The following ECPAS variants were observed in gnomAD, a reference collection of about 807,000 sequenced individuals.
ECPAS encodes Ecm29 proteasome adaptor and scaffold.
A neutral mutation model predicts 255.1 loss-of-function variants in ECPAS; 70 were observed. The ratio of observed to expected loss-of-function variants is 0.27; its 90% CI spans 0.23 to 0.33. The LOEUF (loss-of-function observed/expected upper bound fraction) is 0.33, where lower values mean the gene tolerates loss of function less well. Ranked by LOEUF, ECPAS falls within the 10% of genes least tolerant of loss-of-function variation. The pLI, the probability that ECPAS is intolerant of heterozygous loss-of-function variation, is 1.00. For missense variants in ECPAS, 1,817 were observed against 2,206.4 expected, an observed-to-expected ratio of 0.82 and a Z score of 3.54; for synonymous variants, 784 against 775.0, an observed-to-expected ratio of 1.01 and a Z score of -0.19.
rs1434940553 is a variant in ECPAS at position 111,386,226 on chromosome 9, T to C, written c.3527+151A>G. ...TGATCCACCCACCTCAGCCTCCCCA[T>C]GTGCTGGGATCACAGGTGTGAGCCA... On this transcript the variant is annotated intron_variant, in intron 32 of 49. Coordinates refer to ENST00000684092, the MANE Select transcript of ECPAS (RefSeq NM_001364929.1). 25 of 634,872 alleles carry C rather than the reference T, an allele frequency of 3.9e-5. No individual in the cohort carries two copies. In the South Asian group the frequency reaches 4.1e-4, roughly 10 times the overall value. 39.3% of individuals were successfully genotyped at this position (634,872 alleles called of 1,614,324 possible).
At chr9:111,452,541 G>T (rs1414779684) in intron 2 of ECPAS, among the ~76,000 whole-genome samples, 1 of 152,020 alleles carries the variant, frequency 6.6e-6, no homozygotes, top group African/African-American at 2.4e-5. Flanking sequence ...ACTGGGGAGG[G>T]GTTATGTAAG....
intron 2 of ECPAS, among the ~76,000 whole-genome samples, chr9:111,453,474 AAT>A (rs1438063658): frequency 2.6e-5 from 4 of 152,118 alleles, no homozygotes; most frequent in African/African-American, 9.7e-5. Flanking sequence ...AATTCAAAAT[AAT>A]ATATGTGGCT....
rs757014784 is a variant in ECPAS, at chr9:111,410,170, G to C, written c.2421C>G (p.Ala807=). Reference sequence around the variant, plus strand: ...TGCCAATTTCACCCAGGGCTGTGCAGGCAGCAATTGCCAGGAGGGGTGATG... The same window carrying C: ...TGCCAATTTCACCCAGGGCTGTGCACGCAGCAATTGCCAGGAGGGGTGATG... ...DSTSPLLAIA[A]CTALGEIGRN... The change falls in exon 23 of 50, where the codon GCC becomes GCG. Residue 807 remains alanine, a synonymous_variant. Transcript: ENST00000684092. 1 of 1,613,264 alleles carries C rather than the reference G, an allele frequency of 6.2e-7. No individual in the cohort carries two copies. Among genetic ancestry groups the C allele is most frequent in the African/African-American group, 1.3e-5 (1 of 75,032 alleles).
chr9:111,402,766 T>C (rs916450893), intron 24 of ECPAS, among the ~76,000 whole-genome samples: 2 of 152,170 alleles, frequency 1.3e-5, no homozygotes, highest in African/African-American at 2.4e-5. Flanking sequence ...TCATCAAACT[T>C]GTTATATTTT....
At chr9:111,391,603 A>G (rs1231046146) in intron 29 of ECPAS, among the ~76,000 whole-genome samples, 153 bp downstream of exon 29, 1 of 151,912 alleles carries the variant, frequency 6.6e-6, no homozygotes, top group Non-Finnish European at 1.5e-5. Flanking sequence ...AAAAGACATC[A>G]GACTTTTTTC....
intron 29 of ECPAS, among the ~76,000 whole-genome samples, chr9:111,390,317 C>T (rs552060206): frequency 6.6e-6 from 1 of 152,298 alleles, no homozygotes; most frequent in East Asian, 1.9e-4. Context: ...TACATTGCTG[C>T]TGATAAATGA....
At chr9:111,444,591 TA>T (rs2098250320) in intron 3 of ECPAS, 97 bp from the exon 4 acceptor site, 4 of 764,152 alleles carry the variant, frequency 5.2e-6, no homozygotes, top group African/African-American at 1.7e-5. Flanking sequence ...TGTTAGTGAA[TA>T]GTAGCTACTT....
chr9:111,466,522 A>G (rs1317782347), intron 2 of ECPAS, among the ~76,000 whole-genome samples: 1 of 152,162 alleles, frequency 6.6e-6, no homozygotes, highest in East Asian at 1.9e-4. Flanking sequence ...GAATCTTAAA[A>G]TTCCAAAACA....
At chr9:111,406,296 T>C (rs2098183816) in intron 24 of ECPAS, among the ~76,000 whole-genome samples, 2 of 149,712 alleles carry the variant, frequency 1.3e-5, no homozygotes, top group Non-Finnish European at 2.9e-5. Flanking sequence ...ATGTTCTCAC[T>C]TGTATGTGAG....
chr9:111,428,125 C>G lies in ECPAS; in HGVS notation c.967G>C (p.Val323Leu), dbSNP rs772858611. 6.2e-7 allele frequency: 1 copy of G among 1,612,498 alleles called. No individual in the cohort carries two copies. Among genetic ancestry groups the G allele is most frequent in the Non-Finnish European group, 8.5e-7 (1 of 1,179,070 alleles). The change falls in exon 10 of 50, where the codon GTC becomes CTC. Residue 323 changes from valine to leucine, a missense_variant. Physicochemically the swap from Val to Leu is conservative, Grantham distance 32 (BLOSUM62 1). Around this residue, in one of 4 missense-constraint regions of ECPAS, gnomAD observed 573 missense variants for 716.2 expected, o/e 0.80. Coordinates refer to ENST00000684092, the MANE Select transcript of ECPAS (RefSeq NM_001364929.1). ...VLKPELKRDP[V>L]STRVKLKIVP... ...ATCTTTAACTTGACTCTTGTACTGA[C>G]AGGGTCCCTTTTCAACTCTGGCTTC...
Position 111,384,541 on chromosome 9 carries a change from G to A in ECPAS, c.3662C>T (p.Ala1221Val). 1 of 1,613,842 alleles carries A rather than the reference G, an allele frequency of 6.2e-7. No homozygotes were observed. Among genetic ancestry groups the A allele is most frequent in the Non-Finnish European group, 8.5e-7 (1 of 1,179,768 alleles). Residue 1221 changes from alanine to valine, a missense_variant, in exon 34 of 50, where the codon GCT (alanine) becomes GTT (valine). Physicochemically the swap from Ala to Val is moderately conservative, Grantham distance 64. Transcript: ENST00000684092. ...TTTCACCTTGCTCAGAGTTTTCAGA[G>A]CTAGTTCTGCCGCTTTTCGTACAGA... Reference protein sequence around the residue: ...KESVRKAAELALKTLSKVCVK... With the variant: ...KESVRKAAELVLKTLSKVCVK...
At chr9:111,439,114 T>C (rs1009230568) in intron 6 of ECPAS, among the ~76,000 whole-genome samples, 3 of 152,194 alleles carry the variant, frequency 2.0e-5, no homozygotes, top group Non-Finnish European at 4.4e-5. Context: ...TGGAAATGTC[T>C]ACAATGCAGC....
chr9:111,380,858 C>T (rs1479395317), intron 35 of ECPAS, among the ~76,000 whole-genome samples: 2 of 152,228 alleles, frequency 1.3e-5, no homozygotes, highest in Non-Finnish European at 2.9e-5. Context: ...TTTTCTTCTG[C>T]AGCTTCCTTA....
At chr9:111,363,090 G>A (rs1282958374) in intron 49 of ECPAS, among the ~76,000 whole-genome samples, 1 of 152,016 alleles carries the variant, frequency 6.6e-6, no homozygotes, top group African/African-American at 2.4e-5. Flanking sequence ...TACACCACTG[G>A]AGAAAATGCT....
chr9:111,371,159 T>C (rs1432882464), intron 43 of ECPAS, among the ~76,000 whole-genome samples: 1 of 48,120 alleles, frequency 2.1e-5, no homozygotes, highest in Non-Finnish European at 5.5e-5. Context: ...GTGTTCACTG[T>C]TAAGAATCCT....
chr9:111,447,424 T>C (rs2098254743), intron 3 of ECPAS, among the ~76,000 whole-genome samples: 2 of 152,196 alleles, frequency 1.3e-5, no homozygotes, highest in Admixed American at 1.3e-4. Flanking sequence ...TATTTTGAAT[T>C]TTAAATGGAT....
At chr9:111,372,238 T>C (rs1197808447) in intron 42 of ECPAS, among the ~76,000 whole-genome samples, 191 bp downstream of exon 42, 1 of 152,172 alleles carries the variant, frequency 6.6e-6, no homozygotes, top group African/African-American at 2.4e-5. Flanking sequence ...GTGCCAACCT[T>C]GAGAACTCAG....
chr9:111,435,238 A>G (rs2098236294), intron 7 of ECPAS, among the ~76,000 whole-genome samples: 1 of 152,144 alleles, frequency 6.6e-6, no homozygotes, highest in Non-Finnish European at 1.5e-5. Context: ...AACTACTTGA[A>G]TATTTACATT....
In ECPAS at chr9:111,444,945, C is replaced by T. The variant is rs925334171; in HGVS notation, c.154-451G>A. Among the ~76,000 whole-genome samples, 7 of 151,072 alleles carry T rather than the reference C, an allele frequency of 4.6e-5. No homozygotes were observed. In the South Asian group the frequency reaches 1.3e-3, roughly 27 times the overall value. On this transcript the variant is annotated intron_variant, in intron 3 of 49. Coordinates refer to ENST00000684092, the MANE Select transcript of ECPAS (RefSeq NM_001364929.1). ...TCCTGACTTCATGATCTGCCCACCTCTGCCTCCCAAAGTGCTGGGATTACA... is the reference window on the plus strand; with the variant it reads ...TCCTGACTTCATGATCTGCCCACCTTTGCCTCCCAAAGTGCTGGGATTACA...
Sources: allele counts gnomAD v4.1 joint callset (sites outside exome capture counted in the v4.1 genomes callset), GRCh38; gene constraint gnomAD v4.1.1; regional missense constraint gnomAD v4.1.1; transcripts MANE v1.5; gene names NCBI Gene and HGNC (gene_info 2026-07-23, HGNC 2026-07-21).